Variants in CAMSAP1 observed in about 807,000 individuals in gnomAD.
CAMSAP1 encodes the protein calmodulin regulated spectrin associated protein 1.
CAMSAP1 carries 58 observed loss-of-function variants against 143.5 expected under a neutral mutation model. The ratio of observed to expected loss-of-function variants is 0.40; its 90% CI spans 0.33 to 0.50. CAMSAP1 has a LOEUF of 0.50. CAMSAP1 is among the 20% of genes least tolerant of loss of function. The pLI is 0.45. For missense variants in CAMSAP1, 1,969 were observed against 2,115.7 expected (o/e 0.93, Z 1.36); for synonymous variants, 945 against 859.3 (o/e 1.10, Z -1.74).
chr9:135,845,850 C>T (rs929708756), intron 7 of CAMSAP1, among the ~76,000 whole-genome samples: 1 of 152,036 alleles, frequency 6.6e-6, no homozygotes, highest in Non-Finnish European at 1.5e-5. Flanking sequence ...CAAACCACTG[C>T]TCAAAGAAAT....
intron 3 of CAMSAP1, among the ~76,000 whole-genome samples, chr9:135,874,478 AG>A (rs11440001): frequency 0.039 from 3,814 of 98,188 alleles, 193 homozygotes; most frequent in African/African-American, 0.13. Flanking sequence ...GTCTCAAAAA[AG>A]GGGGGGGGGG....
At chr9:135,865,387 A>C (rs562978931) in intron 4 of CAMSAP1, 74 of 1,550,632 alleles carry the variant, frequency 4.8e-5, no homozygotes, top group South Asian at 7.1e-5. Context: ...CGAGAGAAGG[A>C]AGGCAGGAGA....
chr9:135,900,699 AAAAG>A (rs1215983236), intron 1 of CAMSAP1, among the ~76,000 whole-genome samples: 3 of 152,034 alleles, frequency 2.0e-5, no homozygotes, highest in Admixed American at 1.3e-4. Context: ...CGTCTCAAAA[AAAAG>A]AAAGAGAGGA....
In CAMSAP1 at chr9:135,822,441, C is replaced by T. The variant is rs745992307; in HGVS notation, c.2220G>A (p.Ser740=). 2.5e-6 allele frequency: 4 copies of T among 1,613,600 alleles called. No individual in the cohort carries two copies. Among genetic ancestry groups the T allele is most frequent in the African/African-American group, 1.3e-5 (1 of 74,814 alleles). The change falls in exon 11 of 17, where the codon TCG becomes TCA. Residue 740 remains serine (S), a synonymous_variant. Transcript: ENST00000389532. The surrounding 1 kb of genome is among the most constrained non-coding windows in gnomAD (Gnocchi z 6.1). ...CGGCTTCCTCTATGTCCACCACATC[C>T]GAGTCAGAATCCTGCCTGAGGAGAG... is the stretch of plus-strand genomic sequence containing the variant. The part of the protein sequence containing the change: ...PWTLLRQDSD[S]DVVDIEEAEH...
At chr9:135,895,654 C>A (rs770826082) in intron 1 of CAMSAP1, among the ~76,000 whole-genome samples, 1 of 152,146 alleles carries the variant, frequency 6.6e-6, no homozygotes, top group Non-Finnish European at 1.5e-5. Context: ...TGAGTAAATA[C>A]AACAGACTAC....
At chr9:135,875,203 T>G (rs749722708) in intron 3 of CAMSAP1, among the ~76,000 whole-genome samples, 1 of 114,934 alleles carries the variant, frequency 8.7e-6, no homozygotes, top group South Asian at 3.2e-4. Context: ...CCTAGAATAG[T>G]GAAAACAATT....
At chr9:135,848,846 G>C (rs1487544026) in intron 7 of CAMSAP1, among the ~76,000 whole-genome samples, 1 of 152,230 alleles carries the variant, frequency 6.6e-6, no homozygotes, top group African/African-American at 2.4e-5. Flanking sequence ...TACACCACAG[G>C]AATGGGCTTG....
rs1835485361 is a variant in CAMSAP1 at position 135,822,015 on chromosome 9, G to A, written c.2646C>T (p.His882=). 1.9e-6 allele frequency: 3 copies of A among 1,612,822 alleles called. No homozygotes were observed. Among genetic ancestry groups the A allele is most frequent in the African/African-American group, 1.3e-5 (1 of 74,942 alleles). ...SLLASELVQL[H]MQLEEKRRAI... ...CCCTGCGCTTCTCCTCCAGCTGCAT[G>A]TGCAGCTGTACCAGCTCAGATGCCA... Residue 882 remains histidine, a synonymous_variant, in exon 11 of 17, where the codon CAC becomes CAT. Transcript: ENST00000389532. The surrounding 1 kb of genome is among the most constrained non-coding windows in gnomAD (Gnocchi z 6.1).
At position 135,817,837 on chromosome 9, in the gene CAMSAP1, T is replaced by C. The variant is rs1339987572; in HGVS notation, c.4271+140A>G. ...GGCACTGGTATTCCTGATGACATGA[T>C]TGCAACTATTCTGTAAATGTGAAAT... On this transcript the variant is annotated intron_variant, in intron 14 of 16. Transcript: ENST00000389532. 5 of 705,936 alleles carry C rather than the reference T, an allele frequency of 7.1e-6. No homozygotes were observed. In the Admixed American group the frequency reaches 8.3e-5, roughly 12 times the overall value. 43.7% of individuals were successfully genotyped at this position (705,936 alleles called of 1,614,324 possible). A position where few individuals can be genotyped will look rare whatever the true frequency, so the allele number is the denominator to read the frequency against.
intron 3 of CAMSAP1, among the ~76,000 whole-genome samples, chr9:135,877,645 A>T (rs528559582): frequency 1.4e-4 from 21 of 151,842 alleles, no homozygotes; most frequent in Admixed American, 3.3e-4. Context: ...ATCTCTAATT[A>T]AAAAAAATTT....
At position 135,866,467 on chromosome 9, in the gene CAMSAP1, C is replaced by A. The variant is rs1351722610; in HGVS notation, c.655G>T (p.Ala219Ser). 6.9e-7 allele frequency: 1 copy of A among 1,455,274 alleles called. No individual in the cohort carries two copies. The highest frequency in any genetic ancestry group is 1.4e-5 in the African/African-American group (1 of 71,106). 90.1% of individuals were successfully genotyped at this position (1,455,274 alleles called of 1,614,324 possible). ...AATTTACCCTTTACCTTTTGATGAG[C>A]TGGACTTTCCAATAACTGTTGTTTT... is the stretch of plus-strand genomic sequence containing the variant. ...KLKQQLLESP[A>S]HQKVRYRREH... The change falls in exon 4 of 17, where the codon GCT becomes TCT. Residue 219 changes from alanine (A) to serine (S), a missense_variant. By Grantham distance (99) the Ala-to-Ser change is moderately conservative. Coordinates refer to ENST00000389532, the MANE Select transcript of CAMSAP1 (RefSeq NM_015447.4).
intron 5 of CAMSAP1, among the ~76,000 whole-genome samples, chr9:135,855,748 T>TAAAA (rs34874470): frequency 1.2e-5 from 1 of 84,692 alleles, no homozygotes; most frequent in South Asian, 4.3e-4. Context: ...CATCTCAATT[T>TAAAA]AAAAAAAAAA....
At chr9:135,891,136 G>A (rs1282997964) in intron 1 of CAMSAP1, among the ~76,000 whole-genome samples, 2 of 152,150 alleles carry the variant, frequency 1.3e-5, no homozygotes, top group Non-Finnish European at 2.9e-5. Context: ...TCTCTGGCTA[G>A]AGGACGAGGA....
At chr9:135,819,675 A>C (rs963898234) in intron 11 of CAMSAP1, among the ~76,000 whole-genome samples, 4 of 147,862 alleles carry the variant, frequency 2.7e-5, no homozygotes, top group African/African-American at 9.9e-5. Context: ...CTCCACTTAA[A>C]AAAAAAAAAA....
At chr9:135,867,687 CAAG>C (rs1405544377) in intron 3 of CAMSAP1, among the ~76,000 whole-genome samples, 4 of 152,112 alleles carry the variant, frequency 2.6e-5, no homozygotes, top group Admixed American at 6.5e-5. Flanking sequence ...ACCAAAAAAT[CAAG>C]AAGACTAAAC....
At chr9:135,847,016 A>G (rs568237827) in intron 7 of CAMSAP1, among the ~76,000 whole-genome samples, 3 of 152,256 alleles carry the variant, frequency 2.0e-5, no homozygotes, top group African/African-American at 7.2e-5. Context: ...TTGACCCAGC[A>G]ATCCCATTAC....
Position 135,881,789 on chromosome 9 carries a change from G to T in CAMSAP1, c.429C>A (p.Ala143=). 2 of 1,551,990 alleles carry T rather than the reference G, an allele frequency of 1.3e-6. No individual in the cohort carries two copies. Among genetic ancestry groups the T allele is most frequent in the Non-Finnish European group, 1.7e-6 (2 of 1,147,044 alleles). Reference sequence around the variant, plus strand: ...TCAGGGCATCCACCATTGCCATGTGGGCACTCTAGGGGCAGAGGCAGCAGC... The same window carrying T: ...TCAGGGCATCCACCATTGCCATGTGTGCACTCTAGGGGCAGAGGCAGCAGC... ...DLSRAPIKMS[A]HMAMVDALMM... The change falls in exon 3 of 17, where the codon GCC becomes GCA. Residue 143 remains alanine (A), a synonymous_variant. Transcript: ENST00000389532.
chr9:135,884,082 C>T (rs1186698372), intron 1 of CAMSAP1, among the ~76,000 whole-genome samples: 2 of 152,148 alleles, frequency 1.3e-5, no homozygotes, highest in African/African-American at 2.4e-5. Flanking sequence ...AGACACATTT[C>T]GGAAACACGT....
At chr9:135,814,704 C>G (rs982433727) in intron 16 of CAMSAP1, among the ~76,000 whole-genome samples, 1 of 152,222 alleles carries the variant, frequency 6.6e-6, no homozygotes, top group African/African-American at 2.4e-5. Context: ...GTTCCTCATT[C>G]ACCTCCAGGC....
Sources: gnomAD v4.1 joint callset for allele counts (sites outside exome capture counted in the v4.1 genomes callset) on GRCh38, gnomAD v4.1.1 for gene constraint, Gnocchi (gnomAD v3.1) non-coding constraint, MANE v1.5 for transcripts, NCBI Gene and HGNC (gene_info 2026-07-23, HGNC 2026-07-21) for gene names.